The following TENM3 variants were observed in gnomAD, a reference collection of about 807,000 sequenced individuals.
TENM3 encodes the protein teneurin-3.
In TENM3, 63 loss-of-function variants were observed where a neutral mutation model predicts 255.1. The observed-to-expected ratio is 0.25, with a 90% CI of 0.20 to 0.30. TENM3 has a LOEUF of 0.30. Ranked by LOEUF, TENM3 falls within the 10% of genes least tolerant of loss-of-function variation. The pLI is 1.00. For missense variants in TENM3, 2,929 were observed against 3,461.1 expected (o/e 0.85, Z 3.86); for synonymous variants, 1,306 against 1,322.3 (o/e 0.99, Z 0.27).
At chr4:181,875,030 T>C in the TENM3 span, among the ~76,000 whole-genome samples, 25,397 of 152,230 alleles carry the variant, frequency 0.17, 2,706 homozygotes, top group East Asian at 0.55. Flanking sequence ...TATTCCCTCA[T>C]GGCCATGTGT....
At chr4:182,511,185 C>G (rs1338312204) in intron 3 of TENM3, among the ~76,000 whole-genome samples, 1 of 152,154 alleles carries the variant, frequency 6.6e-6, no homozygotes, top group Non-Finnish European at 1.5e-5. Context: ...CCATTTATGA[C>G]AGCAGGAGGC....
chr4:181,790,426 C>A, the TENM3 span, among the ~76,000 whole-genome samples: 1 of 152,142 alleles, frequency 6.6e-6, no homozygotes, highest in African/African-American at 2.4e-5. Context: ...TAAAAGCGAA[C>A]TCTAACAACA....
the TENM3 span, among the ~76,000 whole-genome samples, chr4:181,669,078 G>A: frequency 6.6e-6 from 1 of 152,010 alleles, no homozygotes; most frequent in Non-Finnish European, 1.5e-5. Context: ...TTGCAGCATT[G>A]TCAGGAACAA....
chr4:181,531,328 T>A, the TENM3 span, among the ~76,000 whole-genome samples: 1 of 152,208 alleles, frequency 6.6e-6, no homozygotes, highest in African/African-American at 2.4e-5. Flanking sequence ...ACGACAAAGT[T>A]GCCAGATAAA....
chr4:182,499,432 AT>A (rs1013594725), intron 3 of TENM3, among the ~76,000 whole-genome samples: 1 of 152,134 alleles, frequency 6.6e-6, no homozygotes, highest in African/African-American at 2.4e-5. Context: ...ACTGTCTGGT[AT>A]TTGAACCCAG....
the TENM3 span, among the ~76,000 whole-genome samples, chr4:181,622,044 G>A: frequency 6.6e-5 from 10 of 152,278 alleles, no homozygotes; most frequent in South Asian, 4.1e-4. Context: ...ATCACATACT[G>A]GTAATACTAG....
At chr4:181,604,237 C>T in the TENM3 span, among the ~76,000 whole-genome samples, 2 of 152,044 alleles carry the variant, frequency 1.3e-5, no homozygotes, top group Admixed American at 1.3e-4. Flanking sequence ...AGCACTCCAG[C>T]CTGGGCGACA....
At chr4:182,769,786 A>G (rs550073580) in intron 22 of TENM3, among the ~76,000 whole-genome samples, 4 of 150,210 alleles carry the variant, frequency 2.7e-5, no homozygotes, top group Admixed American at 2.7e-4. Context: ...TCTGTCTCAA[A>G]AAATAAATAA....
chr4:182,373,827 C>T (rs1767005090), intron 3 of TENM3, among the ~76,000 whole-genome samples: 1 of 152,280 alleles, frequency 6.6e-6, no homozygotes, highest in Non-Finnish European at 1.5e-5. Context: ...CGAGGAGATG[C>T]CTTCTAAACT....
rs900577783 is a variant in TENM3 at position 182,324,126 on chromosome 4, C to T, written c.106C>T (p.Pro36Ser). Residue 36 changes from proline to serine, a missense_variant, in exon 2 of 28, where the codon CCC (proline) becomes TCC (serine). Coordinates refer to ENST00000511685, the MANE Select transcript of TENM3 (RefSeq NM_001080477.4). ...CGCAGACAATGAGGAGTGCCGGGTA[C>T]CCACACAGAAGTCCTACAGTTCCAG... ...SSADNEECRV[P>S]TQKSYSSSET... 4 of 1,613,952 alleles carry T rather than the reference C, an allele frequency of 2.5e-6. No individual in the cohort carries two copies. The highest frequency in any genetic ancestry group is 2.5e-6 in the Non-Finnish European group (3 of 1,179,874).
At chr4:182,283,595 G>A (rs1238844188) in intron 1 of TENM3, among the ~76,000 whole-genome samples, 1 of 152,196 alleles carries the variant, frequency 6.6e-6, no homozygotes, top group Non-Finnish European at 1.5e-5. Flanking sequence ...CATCTGTAGA[G>A]TTTCCTCCTC....
chr4:182,403,664 C>A (rs767955065), intron 3 of TENM3, among the ~76,000 whole-genome samples: 2 of 152,174 alleles, frequency 1.3e-5, no homozygotes, highest in Non-Finnish European at 2.9e-5. Flanking sequence ...CACCGTGGAA[C>A]AATTGGATGC....
At chr4:182,036,678 G>A in the TENM3 span, among the ~76,000 whole-genome samples, 1 of 152,174 alleles carries the variant, frequency 6.6e-6, no homozygotes. Flanking sequence ...AGCATGCAAA[G>A]ACCACTCGCA....
At chr4:181,806,899 G>A in the TENM3 span, among the ~76,000 whole-genome samples, 1 of 152,150 alleles carries the variant, frequency 6.6e-6, no homozygotes, top group Non-Finnish European at 1.5e-5. Context: ...TCATTTTTGT[G>A]TAAAGTCTTA....
At chr4:181,564,044 T>A in the TENM3 span, among the ~76,000 whole-genome samples, 1 of 145,466 alleles carries the variant, frequency 6.9e-6, no homozygotes. Context: ...TTTTTTCTTT[T>A]TTTTTTTTTT....
At chr4:182,520,905 G>A (rs753028998) in intron 3 of TENM3, among the ~76,000 whole-genome samples, 16 of 152,074 alleles carry the variant, frequency 1.1e-4, no homozygotes, top group Admixed American at 6.5e-4. Flanking sequence ...TTCCCTTGCC[G>A]TTGCAGCTTT....
intron 3 of TENM3, among the ~76,000 whole-genome samples, chr4:182,354,358 C>G (rs1242023765): frequency 2.0e-5 from 3 of 152,102 alleles, no homozygotes; most frequent in African/African-American, 7.2e-5. Flanking sequence ...TGAAAAATCA[C>G]AGTGGTAGCA....
chr4:182,440,783 C>G (rs10027571), intron 3 of TENM3, among the ~76,000 whole-genome samples: 14 of 151,180 alleles, frequency 9.3e-5, no homozygotes, highest in Non-Finnish European at 1.5e-4. Context: ...TGCGGAAGAC[C>G]GTGCGGAAGG....
the TENM3 span, among the ~76,000 whole-genome samples, chr4:181,746,442 G>A: frequency 6.6e-6 from 1 of 152,088 alleles, no homozygotes; most frequent in Non-Finnish European, 1.5e-5. Context: ...AATGGCCTGG[G>A]GGGTCTGCAG....
Sources: allele counts gnomAD v4.1 joint callset (sites outside exome capture counted in the v4.1 genomes callset), GRCh38; gene constraint gnomAD v4.1.1; transcripts MANE v1.5; gene names NCBI Gene and HGNC (gene_info 2026-07-23, HGNC 2026-07-21).